The following QTMAN variants were observed in gnomAD, a reference collection of about 807,000 sequenced individuals.
QTMAN encodes tRNA-queuosine alpha-mannosyltransferase.
the QTMAN span, among the ~76,000 whole-genome samples, chr2:144,270,531 G>C: frequency 6.6e-6 from 1 of 151,810 alleles, no homozygotes; most frequent in Non-Finnish European, 1.5e-5. Context: ...GGAAACTATC[G>C]TTCTCAGCAA....
the QTMAN span, among the ~76,000 whole-genome samples, chr2:144,215,013 TAGG>T: frequency 1.8e-3 from 272 of 152,000 alleles, 4 homozygotes; most frequent in African/African-American, 6.3e-3. Context: ...GAGGCTGAGG[TAGG>T]AGAACTGCTT....
the QTMAN span, among the ~76,000 whole-genome samples, chr2:143,969,691 A>G: frequency 3.3e-5 from 5 of 152,256 alleles, no homozygotes; most frequent in African/African-American, 1.2e-4. Context: ...GCTGAGATCA[A>G]AAGGATAAAA....
At chr2:144,004,924 C>G in the QTMAN span, among the ~76,000 whole-genome samples, 1 of 152,012 alleles carries the variant, frequency 6.6e-6, no homozygotes, top group Non-Finnish European at 1.5e-5. Context: ...TACCAATGCT[C>G]GGCGGCTCAG....
At chr2:144,254,896 A>G in the QTMAN span, among the ~76,000 whole-genome samples, 1 of 152,224 alleles carries the variant, frequency 6.6e-6, no homozygotes, top group Non-Finnish European at 1.5e-5. Context: ...TGACTGCTCT[A>G]TTGCATTTCA....
the QTMAN span, among the ~76,000 whole-genome samples, chr2:143,965,792 A>C: frequency 6.6e-6 from 1 of 152,150 alleles, no homozygotes; most frequent in Non-Finnish European, 1.5e-5. Flanking sequence ...AAAACCACTA[A>C]AAGCTTTTCA....
At chr2:144,106,663 A>T in the QTMAN span, among the ~76,000 whole-genome samples, 2 of 152,166 alleles carry the variant, frequency 1.3e-5, no homozygotes, top group Non-Finnish European at 2.9e-5. Flanking sequence ...AATGGAAGAC[A>T]TTAACACCCC....
the QTMAN span, among the ~76,000 whole-genome samples, chr2:144,309,175 T>C: frequency 2.6e-5 from 4 of 152,224 alleles, no homozygotes; most frequent in African/African-American, 7.2e-5. Flanking sequence ...GTGAGTATGA[T>C]ACAATCACTG....
the QTMAN span, among the ~76,000 whole-genome samples, chr2:144,013,339 G>T: frequency 9.9e-5 from 15 of 152,078 alleles, no homozygotes; most frequent in Non-Finnish European, 1.5e-4. Context: ...AAGAATTAAT[G>T]GTCAACAAAG....
At chr2:144,010,606 A>C in the QTMAN span, among the ~76,000 whole-genome samples, 2 of 152,092 alleles carry the variant, frequency 1.3e-5, no homozygotes, top group African/African-American at 4.8e-5. Context: ...GGAAGACACT[A>C]AGTCTGTCAG....
chr2:144,235,772 A>T, the QTMAN span: 1 of 152,544 alleles, frequency 6.6e-6, no homozygotes, highest in African/African-American at 2.4e-5. Context: ...TAGTAACTTC[A>T]AAATAAACCC....
At chr2:144,062,282 A>G in the QTMAN span, among the ~76,000 whole-genome samples, 1 of 152,192 alleles carries the variant, frequency 6.6e-6, no homozygotes, top group Non-Finnish European at 1.5e-5. Context: ...GTTTGAGCAC[A>G]CAGTGGCCGA....
At chr2:144,169,970 CCA>C in the QTMAN span, among the ~76,000 whole-genome samples, 1 of 151,954 alleles carries the variant, frequency 6.6e-6, no homozygotes, top group Non-Finnish European at 1.5e-5. Context: ...ATATCTTACC[CCA>C]GTTTTTTTCC....
the QTMAN span, among the ~76,000 whole-genome samples, chr2:144,322,551 T>C: frequency 6.6e-6 from 1 of 152,172 alleles, no homozygotes; most frequent in African/African-American, 2.4e-5. Context: ...CTCATATTGG[T>C]GTCTACATTC....
chr2:144,332,295 C>G, the QTMAN span: 1 of 150,486 alleles, frequency 6.6e-6, no homozygotes, highest in Non-Finnish European at 1.5e-5. Context: ...CCCCGGCTCC[C>G]CGCGCCGCAG....
chr2:143,982,853 C>CAAAAAAAAAAAAAAAAAAAAAAAA, the QTMAN span, among the ~76,000 whole-genome samples: 3 of 61,032 alleles, frequency 4.9e-5, no homozygotes, highest in Non-Finnish European at 1.1e-4. Flanking sequence ...GACTCTGTCT[C>CAAAAAAAAAAAAAAAAAAAAAAAA]AAAAAAAAAA....
chr2:144,119,586 C>A, the QTMAN span, among the ~76,000 whole-genome samples: 1 of 152,214 alleles, frequency 6.6e-6, no homozygotes, highest in Non-Finnish European at 1.5e-5. Flanking sequence ...GTTCTCCAAT[C>A]CAAGGGCCAA....
At chr2:144,204,376 A>G in the QTMAN span, among the ~76,000 whole-genome samples, 126 of 152,370 alleles carry the variant, frequency 8.3e-4, no homozygotes, top group African/African-American at 3.0e-3. Flanking sequence ...TATGCAGCCA[A>G]CAGACACGTG....
the QTMAN span, among the ~76,000 whole-genome samples, chr2:144,003,676 G>A: frequency 6.6e-6 from 1 of 151,964 alleles, no homozygotes; most frequent in Non-Finnish European, 1.5e-5. Flanking sequence ...ATGAGGAGAG[G>A]GGCAAGCATT....
At chr2:144,248,727 G>C in the QTMAN span, among the ~76,000 whole-genome samples, 1 of 151,252 alleles carries the variant, frequency 6.6e-6, no homozygotes, top group South Asian at 2.1e-4. Flanking sequence ...AAAACAATCT[G>C]AGTAAAGTCT....
Sources: gnomAD v4.1 joint callset for allele counts (sites outside exome capture counted in the v4.1 genomes callset) on GRCh38, gnomAD v4.1.1 for gene constraint, MANE v1.5 for transcripts, NCBI Gene and HGNC (gene_info 2026-07-23, HGNC 2026-07-21) for gene names.